The following DAB1 variants were observed in gnomAD, a reference collection of about 807,000 sequenced individuals.
DAB1 encodes the protein disabled homolog 1.
In DAB1, 15 loss-of-function variants were observed where a neutral mutation model predicts 64.6. The observed-to-expected ratio is 0.23, with a 90% CI of 0.16 to 0.36. The LOEUF (loss-of-function observed/expected upper bound fraction) is 0.36. DAB1 is among the 10% of genes least tolerant of loss of function. The pLI is 1.00. For missense variants in DAB1, 596 were observed against 706.7 expected (o/e 0.84, Z 1.78); for synonymous variants, 235 against 251.9 (o/e 0.93, Z 0.64).
At chr1:57,799,686 C>T (rs2101870712) in intron 6 of DAB1, among the ~76,000 whole-genome samples, 1 of 152,160 alleles carries the variant, frequency 6.6e-6, no homozygotes, top group African/African-American at 2.4e-5. Context: ...GGCTCGCCAT[C>T]TGTTTTTGTA....
chr1:57,917,621 T>C (rs1644746828), intron 5 of DAB1, among the ~76,000 whole-genome samples: 1 of 152,150 alleles, frequency 6.6e-6, no homozygotes, highest in Admixed American at 6.5e-5. Flanking sequence ...GGTGGATTAT[T>C]TGTGTGTAGT....
chr1:57,653,774 G>A (rs962532791), intron 6 of DAB1, among the ~76,000 whole-genome samples: 5 of 152,044 alleles, frequency 3.3e-5, no homozygotes, highest in South Asian at 2.1e-4. Context: ...CACCACGATC[G>A]GCTAATTTTT....
At chr1:58,345,704 C>A (rs1643988399) in intron 3 of DAB1, among the ~76,000 whole-genome samples, 1 of 152,108 alleles carries the variant, frequency 6.6e-6, no homozygotes, top group Non-Finnish European at 1.5e-5. Context: ...ATACTCCAAT[C>A]CCCTCTCCTG....
At chr1:57,151,712 A>G (rs527553412) in intron 2 of DAB1, among the ~76,000 whole-genome samples, 1 of 141,976 alleles carries the variant, frequency 7.0e-6, no homozygotes, top group East Asian at 1.9e-4. Context: ...ATTTGTGAAG[A>G]AAAAAAGTTG....
At chr1:58,512,827 T>C (rs1333731685) in intron 2 of DAB1, among the ~76,000 whole-genome samples, 1 of 152,182 alleles carries the variant, frequency 6.6e-6, no homozygotes, top group Non-Finnish European at 1.5e-5. Flanking sequence ...AGATCTGATA[T>C]ACAGCATGTG....
chr1:57,612,270 G>T (rs763275741), intron 7 of DAB1, among the ~76,000 whole-genome samples: 2 of 152,000 alleles, frequency 1.3e-5, no homozygotes, highest in Admixed American at 6.6e-5. Flanking sequence ...GTCTGTCCCT[G>T]TAGTAGGGTA....
At chr1:58,311,514 T>A (rs1253628810) in intron 4 of DAB1, among the ~76,000 whole-genome samples, 1 of 152,168 alleles carries the variant, frequency 6.6e-6, no homozygotes, top group Admixed American at 6.5e-5. Flanking sequence ...CCCAGGCAGT[T>A]CTAACCAAAG....
At chr1:57,603,760 C>T (rs142842193) in intron 7 of DAB1, among the ~76,000 whole-genome samples, 1 of 152,306 alleles carries the variant, frequency 6.6e-6, no homozygotes, top group African/African-American at 2.4e-5. Context: ...CCCAAAGGCC[C>T]TGAAAATTCA....
At chr1:58,226,024 G>A (rs1449238049) in intron 4 of DAB1, among the ~76,000 whole-genome samples, 1 of 150,648 alleles carries the variant, frequency 6.6e-6, no homozygotes, top group Non-Finnish European at 1.5e-5. Context: ...TCACAAGGGA[G>A]CTTGAGCCAG....
intron 6 of DAB1, among the ~76,000 whole-genome samples, chr1:57,719,429 C>T (rs994069660): frequency 1.3e-5 from 2 of 152,174 alleles, no homozygotes; most frequent in African/African-American, 4.8e-5. Flanking sequence ...GATGTGGTCT[C>T]CTAACAAGTT....
At chr1:57,786,604 C>T (rs897199510) in intron 6 of DAB1, among the ~76,000 whole-genome samples, 1 of 152,194 alleles carries the variant, frequency 6.6e-6, no homozygotes, top group Admixed American at 6.5e-5. Context: ...TTCATTAGAT[C>T]CTGTTAACAA....
At chr1:57,720,283 A>G (rs954777034) in intron 6 of DAB1, among the ~76,000 whole-genome samples, 1 of 152,220 alleles carries the variant, frequency 6.6e-6, no homozygotes, top group Non-Finnish European at 1.5e-5. Flanking sequence ...AAGCAATCCT[A>G]TGGCATGGGT....
chr1:57,597,440 A>T (rs1287965465), intron 7 of DAB1, among the ~76,000 whole-genome samples: 1 of 152,228 alleles, frequency 6.6e-6, no homozygotes, highest in Non-Finnish European at 1.5e-5. Context: ...GCAGTTTGAT[A>T]CAACAGTGAG....
chr1:58,307,634 G>C (rs983288590), intron 4 of DAB1, among the ~76,000 whole-genome samples: 2 of 152,138 alleles, frequency 1.3e-5, no homozygotes, highest in African/African-American at 4.8e-5. Flanking sequence ...TCAGGCCAGA[G>C]CTAAGTCTTG....
At chr1:58,429,565 C>T (rs932619701) in intron 3 of DAB1, among the ~76,000 whole-genome samples, 1 of 152,084 alleles carries the variant, frequency 6.6e-6, no homozygotes, top group African/African-American at 2.4e-5. Context: ...CTTGAGTACA[C>T]CCTTTTGGGA....
intron 2 of DAB1, 95 bp from the exon 3 acceptor site, chr1:57,145,524 T>C: frequency 7.5e-7 from 1 of 1,338,458 alleles, no homozygotes; most frequent in Non-Finnish European, 1.0e-6. Context: ...TGGTTTCATC[T>C]ACATTCCCGG....
intron 2 of DAB1, among the ~76,000 whole-genome samples, chr1:57,178,564 G>T (rs1662580061): frequency 6.6e-6 from 1 of 152,074 alleles, no homozygotes; most frequent in Non-Finnish European, 1.5e-5. Flanking sequence ...TTTATTTATG[G>T]ATAAAACTAT....
chr1:57,820,715 A>G (rs1184318251), intron 6 of DAB1, among the ~76,000 whole-genome samples: 1 of 152,198 alleles, frequency 6.6e-6, no homozygotes, highest in African/African-American at 2.4e-5. Context: ...CCATACATCT[A>G]TCCAGCTACT....
chr1:58,056,158 G>A lies in DAB1; in HGVS notation n.387+94353C>T, dbSNP rs768167896. ...TTACATGGGCTTTGGTGGGGGACGT[G>A]GGGCAGCACCCGCAGGTCTAAATCG... On this transcript the variant is annotated intron_variant and non_coding_transcript_variant, in intron 5 of 20. Transcript: ENST00000485760. 6.1e-6 allele frequency: 9 copies of A among 1,476,430 alleles called. No individual in the cohort carries two copies. In the East Asian group the frequency reaches 2.0e-4, roughly 33 times the overall value. The allele number at this position is 1,476,430 out of a possible 1,614,324, so 91.5% of individuals were successfully genotyped here. A position where few individuals can be genotyped will look rare whatever the true frequency, so the allele number is the denominator to read the frequency against.
Sources: allele counts gnomAD v4.1 joint callset (sites outside exome capture counted in the v4.1 genomes callset), GRCh38; gene constraint gnomAD v4.1.1; transcripts MANE v1.5; gene names NCBI Gene and HGNC (gene_info 2026-07-23, HGNC 2026-07-21).